Variants in CCDC73 observed in about 807,000 individuals in gnomAD.
CCDC73 encodes coiled-coil domain-containing protein 73.
CCDC73 carries 95 observed loss-of-function variants against 116.5 expected under a neutral mutation model. That is an observed-to-expected ratio of 0.82 (90% CI 0.69 to 0.97). CCDC73 has a LOEUF of 0.97. Ranked by LOEUF, CCDC73 falls within the 50% of genes least tolerant of loss-of-function variation. CCDC73 has a pLI of 0.00. For synonymous variants in CCDC73, 398 were observed against 401.3 expected (o/e 0.99, Z 0.10); for missense variants, 1,066 against 1,206.8 (o/e 0.88, Z 1.73).
At chr11:32,639,039 T>C (rs1050353659) in intron 13 of CCDC73, among the ~76,000 whole-genome samples, 2 of 151,332 alleles carry the variant, frequency 1.3e-5, no homozygotes, top group Non-Finnish European at 2.9e-5. Context: ...TCCCAGCTAC[T>C]CGGGAGGCTG....
At chr11:32,802,076 G>A in the CCDC73 span, among the ~76,000 whole-genome samples, 1 of 152,094 alleles carries the variant, frequency 6.6e-6, no homozygotes, top group African/African-American at 2.4e-5. Flanking sequence ...TTAATCATAT[G>A]CAAATCAATA....
rs531010963 is a variant in CCDC73 at position 32,614,440 on chromosome 11, T to C, written c.1878A>G (p.Lys626=). The change falls in exon 16 of 18, where the codon AAA becomes AAG. Residue 626 remains lysine (K), a synonymous_variant. Transcript: ENST00000335185. ...EKEITNSDQT[K]ADLDSSLDIK... ...TATCTAGAGACGAGTCCAAATCTGCTTTGGTTTGGTCACTATTTGTAATTT... is the reference window on the plus strand; with the variant it reads ...TATCTAGAGACGAGTCCAAATCTGCCTTGGTTTGGTCACTATTTGTAATTT... 9 of 1,613,578 alleles carry C rather than the reference T, an allele frequency of 5.6e-6. No homozygotes were observed. In the African/African-American group the frequency reaches 1.2e-4, roughly 22 times the overall value.
chr11:32,611,260 T>C lies in CCDC73; in HGVS notation c.2902A>G (p.Thr968Ala). Residue 968 changes from threonine (T) to alanine (A), a missense_variant, in exon 17 of 18, where the codon ACC (threonine) becomes GCC (alanine). Coordinates refer to ENST00000335185, the MANE Select transcript of CCDC73 (RefSeq NM_001008391.4). ...GTGTCAGCAACTCTGTTAATGCTGG[T>C]AGTATCTGATTGATAAAGAGGAAAT... is the stretch of plus-strand genomic sequence containing the variant. ...DVGKDIGPDT[T>A]SINRVADTLN... The C allele has an allele frequency of 1.2e-6, 2 of 1,611,384 alleles. No homozygotes were observed. Among genetic ancestry groups the C allele is most frequent in the Non-Finnish European group, 1.7e-6 (2 of 1,179,038 alleles).
In CCDC73 at chr11:32,696,770, A is replaced by G. The variant is rs981924444; in HGVS notation, c.390+2481T>C. 3.3e-5 allele frequency among the ~76,000 whole-genome samples: 5 copies of G among 151,946 alleles called. No homozygotes were observed. The South Asian group carries it at 1.0e-3, about 32-fold the overall frequency. On this transcript the variant is annotated intron_variant, in intron 6 of 17. Transcript: ENST00000335185. Reference sequence around the variant, plus strand: ...CATCAATTGCTCAGAACCATCCCAAATTTTAACTTGCTTTATATCTTTCTC... The same window carrying G: ...CATCAATTGCTCAGAACCATCCCAAGTTTTAACTTGCTTTATATCTTTCTC...
Position 32,760,202 on chromosome 11 carries a change from A to C in CCDC73, c.42T>G (p.Thr14=), listed in dbSNP as rs776155493. 1 of 1,589,120 alleles carries C rather than the reference A, an allele frequency of 6.3e-7. No individual in the cohort carries two copies. The change falls in exon 2 of 18, where the codon ACT becomes ACG. Residue 14 remains threonine, a synonymous_variant. Coordinates refer to ENST00000335185, the MANE Select transcript of CCDC73 (RefSeq NM_001008391.4). ...ACAATGTCTCTGAAGAACTTTGAAGAGTAAAAGTAGATGATGACTCAGTAT... is the reference window on the plus strand; with the variant it reads ...ACAATGTCTCTGAAGAACTTTGAAGCGTAAAAGTAGATGATGACTCAGTAT... ...NFNTESSSTF[T]LQSSSETLFS...
chr11:32,677,474 T>G (rs1240852467), intron 7 of CCDC73, among the ~76,000 whole-genome samples: 2 of 152,128 alleles, frequency 1.3e-5, no homozygotes, highest in Non-Finnish European at 2.9e-5. Context: ...AGAAGTTCAG[T>G]AGTGATCCTA....
At chr11:32,658,902 G>A (rs771773469) in intron 9 of CCDC73, among the ~76,000 whole-genome samples, 1 of 152,078 alleles carries the variant, frequency 6.6e-6, no homozygotes, top group Non-Finnish European at 1.5e-5. Flanking sequence ...CATGAAATGC[G>A]AAAGGAAGAA....
At chr11:32,828,008 ATAGTT>A in the CCDC73 span, among the ~76,000 whole-genome samples, 1 of 152,220 alleles carries the variant, frequency 6.6e-6, no homozygotes, top group Admixed American at 6.5e-5. Context: ...CATCATAGAA[ATAGTT>A]TAGACCACGA....
chr11:32,785,242 A>G (rs1012120886), intron 1 of CCDC73, among the ~76,000 whole-genome samples: 3 of 152,196 alleles, frequency 2.0e-5, no homozygotes, highest in African/African-American at 4.8e-5. Flanking sequence ...TAAGTTTTAT[A>G]AAACTCTTGT....
At chr11:32,633,075 G>C (rs1276207490) in intron 14 of CCDC73, among the ~76,000 whole-genome samples, 1 of 152,136 alleles carries the variant, frequency 6.6e-6, no homozygotes, top group East Asian at 1.9e-4. Context: ...TTTTTCCTGA[G>C]ACGGAGTCTC....
chr11:32,703,066 C>A, intron 3 of CCDC73, 122 bp from the exon 4 acceptor site: 1 of 726,790 alleles, frequency 1.4e-6, no homozygotes, highest in South Asian at 1.6e-5. Flanking sequence ...TTTTGTGTTC[C>A]TGGAATGCAA....
intron 7 of CCDC73, chr11:32,680,509 G>A (rs573826030): frequency 2.0e-5 from 3 of 151,918 alleles, no homozygotes; most frequent in Admixed American, 6.6e-5. Context: ...CAAGATTAGC[G>A]GAAAAATAGC....
intron 1 of CCDC73, among the ~76,000 whole-genome samples, chr11:32,776,989 GTA>G (rs71063758): frequency 0.085 from 8,581 of 100,386 alleles, 274 homozygotes; most frequent in East Asian, 0.16. Context: ...ATATACACAT[GTA>G]TATATATATA....
At chr11:32,689,059 A>C (rs1324372171) in intron 6 of CCDC73, among the ~76,000 whole-genome samples, 1 of 152,188 alleles carries the variant, frequency 6.6e-6, no homozygotes, top group Non-Finnish European at 1.5e-5. Flanking sequence ...ATCTAGAAGA[A>C]CAGCTAATTC....
At position 32,684,086 on chromosome 11, in the gene CCDC73, T is replaced by C. The variant is rs1016609816; in HGVS notation, c.391-512A>G. Among the ~76,000 whole-genome samples the C allele has an allele frequency of 5.3e-5, 8 of 152,286 alleles. No homozygotes were observed. The South Asian group carries it at 8.3e-4, about 16-fold the overall frequency. The stretch of plus-strand genomic sequence containing the variant: ...TGTTTTTAAGATACAGTCACACTGT[T>C]ACCCAAGCTGGAATACACTAGGATG... On this transcript the variant is annotated intron_variant, in intron 6 of 17. Transcript: ENST00000335185.
At chr11:32,829,588 G>A in the CCDC73 span, among the ~76,000 whole-genome samples, 1 of 152,256 alleles carries the variant, frequency 6.6e-6, no homozygotes, top group East Asian at 1.9e-4. Flanking sequence ...GGTAACCACA[G>A]GACTCCTGGC....
intron 1 of CCDC73, among the ~76,000 whole-genome samples, chr11:32,777,224 G>C (rs918428870): frequency 1.3e-5 from 2 of 149,680 alleles, no homozygotes; most frequent in East Asian, 3.9e-4. Flanking sequence ...TCCCGCCTCA[G>C]CCTCCCAAGT....
chr11:32,746,397 A>C (rs1234973802), intron 2 of CCDC73, among the ~76,000 whole-genome samples: 3 of 152,090 alleles, frequency 2.0e-5, no homozygotes, highest in Admixed American at 2.0e-4. Context: ...TTTGACAGTT[A>C]TGTGTCTTGG....
chr11:32,686,535 T>C (rs1267482394), intron 6 of CCDC73, among the ~76,000 whole-genome samples: 1 of 151,574 alleles, frequency 6.6e-6, no homozygotes, highest in Non-Finnish European at 1.5e-5. Flanking sequence ...TCTAGAAAAA[T>C]AAGAGGAAAA....
Sources: allele counts gnomAD v4.1 joint callset (sites outside exome capture counted in the v4.1 genomes callset), GRCh38; gene constraint gnomAD v4.1.1; transcripts MANE v1.5; gene names NCBI Gene and HGNC (gene_info 2026-07-23, HGNC 2026-07-21).